The following FOXP2 variants were observed in gnomAD, a reference collection of about 807,000 sequenced individuals.
The protein encoded by FOXP2 is forkhead box P2, also known as forkhead box protein P2.
Under a neutral mutation model 115.8 loss-of-function variants are expected in FOXP2, and 12 were observed. The observed-to-expected ratio is 0.10, with a 90% confidence interval of 0.07 to 0.17. The LOEUF (loss-of-function observed/expected upper bound fraction) is 0.17, where lower values mean the gene tolerates loss of function less well. Among genes scored for constraint, FOXP2 ranks in the 10% least tolerant of loss-of-function variants. The pLI, the probability that FOXP2 is intolerant of heterozygous loss-of-function variation, is 1.00. For missense variants in FOXP2, 629 were observed against 843.5 expected (o/e 0.75, Z 3.15); for synonymous variants, 328 against 297.7 (o/e 1.10, Z -1.05).
At chr7:114,598,170 A>T (rs1802827392) in intron 3 of FOXP2, among the ~76,000 whole-genome samples, 1 of 152,100 alleles carries the variant, frequency 6.6e-6, no homozygotes, top group Admixed American at 6.6e-5. Flanking sequence ...AGAAAAAGGG[A>T]TTGTTAGTTC....
intron 16 of FOXP2, among the ~76,000 whole-genome samples, chr7:114,679,011 A>G (rs960446439): frequency 2.0e-5 from 3 of 152,138 alleles, no homozygotes; most frequent in African/African-American, 7.2e-5. Flanking sequence ...TTGTAAATTT[A>G]TAGAGTTCAG....
chr7:114,312,873 C>G (rs534448008), intron 2 of FOXP2, among the ~76,000 whole-genome samples: 3 of 152,208 alleles, frequency 2.0e-5, no homozygotes, highest in African/African-American at 7.2e-5. Context: ...GTAAACACAA[C>G]CCTGATAAAT....
chr7:114,489,658 A>G (rs971595522), intron 2 of FOXP2, among the ~76,000 whole-genome samples: 1 of 152,018 alleles, frequency 6.6e-6, no homozygotes, highest in African/African-American at 2.4e-5. Context: ...TACCTACCAC[A>G]AGCCCAGAAG....
chr7:114,326,538 A>C (rs777289560), intron 2 of FOXP2, among the ~76,000 whole-genome samples: 1 of 152,154 alleles, frequency 6.6e-6, no homozygotes, highest in Non-Finnish European at 1.5e-5. Context: ...TGGGATTCCT[A>C]GTACTTGTTT....
intron 1 of FOXP2, among the ~76,000 whole-genome samples, chr7:114,166,963 A>G (rs986643080): frequency 6.6e-6 from 1 of 152,200 alleles, no homozygotes; most frequent in Admixed American, 6.5e-5. Context: ...ATTCTCACTC[A>G]TTGCTGATGG....
chr7:114,592,517 T>G (rs1356547311), intron 3 of FOXP2, among the ~76,000 whole-genome samples: 1 of 152,070 alleles, frequency 6.6e-6, no homozygotes, highest in Non-Finnish European at 1.5e-5. Flanking sequence ...CCATTTCTAT[T>G]GAACCTATCA....
At chr7:114,208,456 G>A (rs1276886248) in intron 1 of FOXP2, among the ~76,000 whole-genome samples, 5 of 152,148 alleles carry the variant, frequency 3.3e-5, no homozygotes, top group Non-Finnish European at 7.4e-5. Context: ...TGTCTCACAT[G>A]AGATGTTGGA....
At chr7:114,560,545 G>A (rs1035592316) in intron 3 of FOXP2, among the ~76,000 whole-genome samples, 9 of 152,152 alleles carry the variant, frequency 5.9e-5, no homozygotes, top group Admixed American at 2.0e-4. Context: ...GAGCTCAGGA[G>A]GCAGCAGTTG....
At chr7:114,662,499 C>T (rs1047620510) in intron 14 of FOXP2, among the ~76,000 whole-genome samples, 1 of 151,972 alleles carries the variant, frequency 6.6e-6, no homozygotes, top group Non-Finnish European at 1.5e-5. Context: ...TGTTTTTATA[C>T]AATACAGTAG....
At chr7:114,179,185 A>G (rs912047318) in intron 1 of FOXP2, among the ~76,000 whole-genome samples, 3 of 152,044 alleles carry the variant, frequency 2.0e-5, no homozygotes, top group African/African-American at 7.2e-5. Context: ...TATTTTTCCT[A>G]TGATTAAAGT....
At chr7:114,119,877 C>T (rs1427355584) in intron 1 of FOXP2, among the ~76,000 whole-genome samples, 1 of 152,082 alleles carries the variant, frequency 6.6e-6, no homozygotes, top group Non-Finnish European at 1.5e-5. Context: ...CTGTGTATTG[C>T]CCCCAGAAAT....
chr7:114,678,797 A>G (rs1361032545), intron 16 of FOXP2, among the ~76,000 whole-genome samples: 3 of 152,016 alleles, frequency 2.0e-5, no homozygotes, highest in Admixed American at 1.3e-4. Flanking sequence ...TTCACTTTCT[A>G]ATATCCAAAC....
intron 2 of FOXP2, among the ~76,000 whole-genome samples, chr7:114,488,271 T>C (rs1796883454): frequency 6.6e-6 from 1 of 151,932 alleles, no homozygotes; most frequent in Non-Finnish European, 1.5e-5. Flanking sequence ...TTCAGTTACC[T>C]CCCACCGGGT....
At chr7:114,096,988 AAAT>A (rs1273904894) in intron 1 of FOXP2, among the ~76,000 whole-genome samples, 1 of 150,008 alleles carries the variant, frequency 6.7e-6, no homozygotes, top group Non-Finnish European at 1.5e-5. Flanking sequence ...TTTAATTTTA[AAAT>A]AATACTTTGA....
At chr7:114,399,837 A>C (rs1296354365) in intron 2 of FOXP2, among the ~76,000 whole-genome samples, 1 of 151,932 alleles carries the variant, frequency 6.6e-6, no homozygotes, top group African/African-American at 2.4e-5. Flanking sequence ...GAAGTGTCAA[A>C]ATCATCATTT....
At chr7:114,114,204 A>T (rs1452973964) in intron 1 of FOXP2, among the ~76,000 whole-genome samples, 1 of 151,558 alleles carries the variant, frequency 6.6e-6, no homozygotes, top group Non-Finnish European at 1.5e-5. Context: ...TTAGTTATAG[A>T]ATGTCCATTT....
chr7:114,542,165 C>A (rs145333298), intron 3 of FOXP2, among the ~76,000 whole-genome samples: 1 of 152,108 alleles, frequency 6.6e-6, no homozygotes, highest in African/African-American at 2.4e-5. Context: ...CTACTGCTTT[C>A]TTTTCTCCTT....
intron 1 of FOXP2, among the ~76,000 whole-genome samples, chr7:114,197,160 T>C (rs1793933661): frequency 6.8e-6 from 1 of 147,242 alleles, no homozygotes; most frequent in Non-Finnish European, 1.5e-5. Context: ...ATTGTGCCAC[T>C]GCACTCCAGC....
At chr7:114,503,398 A>G (rs1263458488) in intron 2 of FOXP2, among the ~76,000 whole-genome samples, 2 of 151,746 alleles carry the variant, frequency 1.3e-5, no homozygotes, top group Non-Finnish European at 3.0e-5. Context: ...TCTAAGGATG[A>G]CAATGGCTAA....
Sources: gnomAD v4.1 joint callset for allele counts (sites outside exome capture counted in the v4.1 genomes callset) on GRCh38, gnomAD v4.1.1 for gene constraint, MANE v1.5 for transcripts, NCBI Gene and HGNC (gene_info 2026-07-23, HGNC 2026-07-21) for gene names.